The following HSPA12A variants were observed in gnomAD, a reference collection of about 807,000 sequenced individuals.
HSPA12A encodes heat shock protein family A (Hsp70) member 12A.
Under a neutral mutation model 69.2 loss-of-function variants are expected in HSPA12A, and 28 were observed. That is an observed-to-expected ratio of 0.40 (90% confidence interval 0.30 to 0.55). The LOEUF is 0.55. HSPA12A is among the 20% of genes least tolerant of loss of function. The pLI, the probability that HSPA12A is intolerant of heterozygous loss-of-function variation, is 0.38. For missense variants in HSPA12A, 686 were observed against 900.7 expected (o/e 0.76, Z 3.05); for synonymous variants, 345 against 370.5 (o/e 0.93, Z 0.79).
intron 5 of HSPA12A, among the ~76,000 whole-genome samples, chr10:116,694,028 C>T (rs1055804657): frequency 2.3e-4 from 35 of 152,168 alleles, no homozygotes; most frequent in African/African-American, 7.7e-4. Flanking sequence ...GCATGGCACC[C>T]ATTACCAGGC....
At chr10:116,694,643 A>C (rs1849832552) in intron 5 of HSPA12A, among the ~76,000 whole-genome samples, 1 of 151,872 alleles carries the variant, frequency 6.6e-6, no homozygotes, top group Non-Finnish European at 1.5e-5. Flanking sequence ...TTTGCCCCCG[A>C]GCCCCTACGG....
At position 116,686,182 on chromosome 10, in the gene HSPA12A, A is replaced by G. The variant is rs1554879488; in HGVS notation, c.664-2220T>C. On this transcript the variant is annotated intron_variant, in intron 6 of 11. Coordinates refer to ENST00000369209, the MANE Select transcript of HSPA12A (RefSeq NM_025015.3). The surrounding 1 kb of genome is among the most constrained non-coding windows in gnomAD (Gnocchi z 4.1). The stretch of plus-strand genomic sequence containing the variant: ...TAGCACAAACATGGCTGGAGGTTAA[A>G]GTGAAAGAGGATGTGGCTCTCACAC... Among the ~76,000 whole-genome samples, 3 of 152,194 alleles carry G rather than the reference A, an allele frequency of 2.0e-5. No individual in the cohort carries two copies. The highest frequency in any genetic ancestry group is 4.4e-5 in the Non-Finnish European group (3 of 68,048).
intron 2 of HSPA12A, among the ~76,000 whole-genome samples, chr10:116,816,881 G>A (rs561351078): frequency 6.6e-6 from 1 of 152,270 alleles, no homozygotes; most frequent in African/African-American, 2.4e-5. Context: ...TTGAGGCTAA[G>A]TTTATTTTTC....
intron 2 of HSPA12A, among the ~76,000 whole-genome samples, chr10:116,705,663 C>A (rs2921976): frequency 0.52 from 79,500 of 152,114 alleles, 21,104 homozygotes; most frequent in Middle Eastern, 0.66. Flanking sequence ...CCTGTGCAGA[C>A]CTCTGGCCAC....
At chr10:116,789,512 A>T (rs1844655391) in intron 2 of HSPA12A, among the ~76,000 whole-genome samples, 1 of 152,212 alleles carries the variant, frequency 6.6e-6, no homozygotes, top group Non-Finnish European at 1.5e-5. Flanking sequence ...TAGAATTCTG[A>T]ATCCTGAATG....
At chr10:116,776,191 A>T (rs1402011887) in intron 2 of HSPA12A, among the ~76,000 whole-genome samples, 1 of 151,860 alleles carries the variant, frequency 6.6e-6, no homozygotes, top group Non-Finnish European at 1.5e-5. Context: ...CACCCCTGGG[A>T]CTCCTGTGGG....
At chr10:116,835,938 G>C (rs1183008510) in intron 1 of HSPA12A, among the ~76,000 whole-genome samples, 1 of 152,196 alleles carries the variant, frequency 6.6e-6, no homozygotes, top group African/African-American at 2.4e-5. Flanking sequence ...GTTTGGGGCA[G>C]AAAGAGAGTG....
intron 2 of HSPA12A, among the ~76,000 whole-genome samples, chr10:116,814,194 A>G (rs1845253573): frequency 4.6e-5 from 7 of 152,234 alleles, no homozygotes; most frequent in Admixed American, 4.6e-4. Context: ...AAGTCAGTAG[A>G]TGGTTTAAAG....
chr10:116,696,898 G>A (rs1270846647), intron 5 of HSPA12A, among the ~76,000 whole-genome samples: 1 of 152,002 alleles, frequency 6.6e-6, no homozygotes, highest in Non-Finnish European at 1.5e-5. Context: ...GTTGCTGCCT[G>A]TGAACCACAC....
At chr10:116,794,884 C>T (rs1844784495) in intron 2 of HSPA12A, among the ~76,000 whole-genome samples, 1 of 152,046 alleles carries the variant, frequency 6.6e-6, no homozygotes. Context: ...TTTTAAATAA[C>T]CCTTTGGTCA....
At position 116,692,333 on chromosome 10, in the gene HSPA12A, C is replaced by T. The variant is rs1278799153; in HGVS notation, c.663+18G>A. 9.4e-6 allele frequency: 15 copies of T among 1,602,130 alleles called. No homozygotes were observed. Among genetic ancestry groups the T allele is most frequent in the Non-Finnish European group, 1.3e-5 (15 of 1,169,436 alleles). On this transcript the variant is annotated intron_variant, in intron 6 of 11. Transcript: ENST00000369209. ...GTCCTTCTCCTCCGGCTTCCACCCG[C>T]CCTGACTCTACCCTCACCTGGTAGG...
At chr10:116,725,203 G>T (rs1246240139) in intron 1 of HSPA12A, among the ~76,000 whole-genome samples, 1 of 152,144 alleles carries the variant, frequency 6.6e-6, no homozygotes, top group Admixed American at 6.5e-5. Flanking sequence ...AGCTCCACTT[G>T]ATGGGAATTG....
intron 2 of HSPA12A, among the ~76,000 whole-genome samples, chr10:116,805,938 T>C (rs537160615): frequency 6.6e-6 from 1 of 152,314 alleles, no homozygotes; most frequent in Non-Finnish European, 1.5e-5. Context: ...TGAGCGTAAA[T>C]GCCACCTCAG....
At chr10:116,794,011 A>C (rs1295766407) in intron 2 of HSPA12A, among the ~76,000 whole-genome samples, 1 of 152,170 alleles carries the variant, frequency 6.6e-6, no homozygotes, top group African/African-American at 2.4e-5. Flanking sequence ...ATCCTGGCTA[A>C]TATGGTGAAA....
At chr10:116,817,100 C>T (rs903612570) in intron 2 of HSPA12A, among the ~76,000 whole-genome samples, 3 of 152,122 alleles carry the variant, frequency 2.0e-5, no homozygotes, top group African/African-American at 7.2e-5. Flanking sequence ...TATACCCCTT[C>T]CCCCACCCCA....
intron 2 of HSPA12A, among the ~76,000 whole-genome samples, chr10:116,804,058 G>A (rs979067020): frequency 2.0e-5 from 3 of 151,996 alleles, no homozygotes; most frequent in Admixed American, 1.3e-4. Flanking sequence ...GTCTTGCAAC[G>A]GCCCCTCTGT....
chr10:116,722,887 G>A (rs1179011784), intron 1 of HSPA12A, among the ~76,000 whole-genome samples: 2 of 152,156 alleles, frequency 1.3e-5, no homozygotes, highest in African/African-American at 4.8e-5. Context: ...TCCCTGAAGG[G>A]GGTGGGGGAA....
chr10:116,766,614 C>T (rs758200893), intron 2 of HSPA12A, among the ~76,000 whole-genome samples: 1 of 152,140 alleles, frequency 6.6e-6, no homozygotes, highest in Non-Finnish European at 1.5e-5. Context: ...GTTTTAACTG[C>T]CTGGAAATGA....
chr10:116,726,725 C>A (rs1554885082), intron 1 of HSPA12A, among the ~76,000 whole-genome samples: 1 of 152,176 alleles, frequency 6.6e-6, no homozygotes, highest in East Asian at 1.9e-4. Context: ...ACGGCATGGC[C>A]CTACTGCCTC....
Sources: allele counts gnomAD v4.1 joint callset (sites outside exome capture counted in the v4.1 genomes callset), GRCh38; gene constraint gnomAD v4.1.1; non-coding constraint Gnocchi (gnomAD v3.1); transcripts MANE v1.5; gene names NCBI Gene and HGNC (gene_info 2026-07-23, HGNC 2026-07-21).